SLC25A40: variants seen among roughly 807,000 people sequenced by gnomAD.
SLC25A40 encodes the protein mitochondrial glutathione transporter SLC25A40.
In SLC25A40, 41 loss-of-function variants were observed where a neutral mutation model predicts 46.5. The observed-to-expected ratio is 0.88, with a 90% CI of 0.69 to 1.14. The LOEUF is 1.14. Among genes scored for constraint, SLC25A40 ranks in the 50% most tolerant of loss-of-function variants. The pLI, the probability that SLC25A40 is intolerant of heterozygous loss-of-function variation, is 0.00. For missense variants in SLC25A40, 386 were observed against 393.6 expected, an observed-to-expected ratio of 0.98 and a Z score of 0.16; for synonymous variants, 126 against 127.5, an observed-to-expected ratio of 0.99 and a Z score of 0.08.
rs933081946 is a variant in SLC25A40, at chr7:87,872,069, T to C, written c.-94+4027A>G. 6.2e-4 allele frequency among the ~76,000 whole-genome samples: 95 copies of C among 152,226 alleles called. 1 individual carries two copies. The highest frequency in any genetic ancestry group is 2.1e-4 in the Non-Finnish European group (14 of 68,038). On this transcript the variant is annotated intron_variant, in intron 1 of 11. Transcript: ENST00000341119. ...TAAATGAAGAAATATTACCATTTCA[T>C]AGACTGGAAGAATAAATGCTATAAA...
chr7:87,875,716 C>T (rs894544918), intron 1 of SLC25A40, among the ~76,000 whole-genome samples: 2 of 152,190 alleles, frequency 1.3e-5, no homozygotes, highest in African/African-American at 4.8e-5. Flanking sequence ...GAAAACAGGT[C>T]TGAATACAAT....
At chr7:87,842,537 G>A (rs1015999192) in intron 9 of SLC25A40, among the ~76,000 whole-genome samples, 2 of 151,906 alleles carry the variant, frequency 1.3e-5, no homozygotes, top group African/African-American at 2.4e-5. Flanking sequence ...GTTGATGTAC[G>A]TTCTTGAAAT....
chr7:87,843,841 T>A lies in SLC25A40; in HGVS notation c.654A>T (p.Glu218Asp). The change falls in exon 9 of 12, where the codon GAA (glutamate) becomes GAT (aspartate). Residue 218 changes from glutamate (E) to aspartate (D), a missense_variant. Coordinates refer to ENST00000341119, the MANE Select transcript of SLC25A40 (RefSeq NM_018843.4). ...PFSAMYWYNY[E>D]ILKKWLCEKS... The stretch of plus-strand genomic sequence containing the variant: ...TCTCACATAACCACTTCTTTAAAAT[T>A]TCATAGTTATACCAGTACATTGCTA... 6.2e-7 allele frequency: 1 copy of A among 1,605,160 alleles called. No homozygotes were observed. The highest frequency in any genetic ancestry group is 8.5e-7 in the Non-Finnish European group (1 of 1,172,978).
intron 1 of SLC25A40, among the ~76,000 whole-genome samples, chr7:87,867,214 C>T (rs1187436751): frequency 6.6e-6 from 1 of 152,148 alleles, no homozygotes; most frequent in Non-Finnish European, 1.5e-5. Context: ...ACCTCAACTC[C>T]CTCTTGAACA....
chr7:87,858,467 G>A (rs1255511890), intron 3 of SLC25A40, among the ~76,000 whole-genome samples, 164 bp downstream of exon 3: 2 of 152,104 alleles, frequency 1.3e-5, no homozygotes, highest in Non-Finnish European at 2.9e-5. Context: ...TGTCACCCCC[G>A]GAGGCCCAGC....
chr7:87,850,603 A>G (rs1838492608), intron 5 of SLC25A40, among the ~76,000 whole-genome samples: 1 of 152,030 alleles, frequency 6.6e-6, no homozygotes, highest in African/African-American at 2.4e-5. Context: ...ACTTATCTCT[A>G]CAAAAAGCTA....
At chr7:87,875,960 A>C in intron 1 of SLC25A40, 136 bp downstream of exon 1, 1 of 152,318 alleles carries the variant, frequency 6.6e-6, no homozygotes, top group East Asian at 1.9e-4. Context: ...CGCGCTGAGC[A>C]GGGGCTGCGG....
intron 10 of SLC25A40, among the ~76,000 whole-genome samples, chr7:87,837,503 T>C (rs966426647): frequency 6.6e-6 from 1 of 151,150 alleles, no homozygotes; most frequent in Non-Finnish European, 1.5e-5. Context: ...TTTTAGCTAA[T>C]AATAACATCT....
intron 6 of SLC25A40, among the ~76,000 whole-genome samples, chr7:87,848,901 A>G (rs1838463140): frequency 1.3e-5 from 2 of 152,178 alleles, no homozygotes; most frequent in Non-Finnish European, 2.9e-5. Flanking sequence ...TCTGCCACTA[A>G]CTTTAAACCT....
At chr7:87,864,822 A>C (rs1838763073) in intron 1 of SLC25A40, among the ~76,000 whole-genome samples, 1 of 152,164 alleles carries the variant, frequency 6.6e-6, no homozygotes, top group Admixed American at 6.5e-5. Flanking sequence ...GTTAGTACTA[A>C]TAATAACTTA....
chr7:87,847,065 T>C lies in SLC25A40; in HGVS notation c.515A>G (p.Lys172Arg), dbSNP rs932359006. ...LELIRTKMQS[K>R]KFSYVELHRF... The stretch of plus-strand genomic sequence containing the variant: ...ATGCAGTTCCACGTAAGAAAACTTC[T>C]TGGACTGCATCTTGGTTCTAATCAA... The change falls in exon 8 of 12, where the codon AAG (lysine) becomes AGG (arginine). Residue 172 changes from lysine to arginine, a missense_variant. Lys to Arg is a conservative substitution (Grantham distance 26, BLOSUM62 2). Coordinates refer to ENST00000341119, the MANE Select transcript of SLC25A40 (RefSeq NM_018843.4). 2.5e-6 allele frequency: 4 copies of C among 1,613,762 alleles called. No homozygotes were observed. The Admixed American group carries it at 5.0e-5, about 20-fold the overall frequency.
rs1040838147 is a variant in SLC25A40 at position 87,876,161 on chromosome 7, T to A, written c.-159A>T. 2.0e-5 allele frequency: 3 copies of A among 152,978 alleles called. No individual in the cohort carries two copies. The highest frequency in any genetic ancestry group is 7.2e-5 in the African/African-American group (3 of 41,464). The allele number at this position is 152,978 out of a possible 1,614,324, so 9.5% of individuals were successfully genotyped here. The stretch of plus-strand genomic sequence containing the variant: ...ACCTAGAAGGCGGGAATAACCCTGG[T>A]GACGGGCGGGGCCGGGCTCCGGCGC... On this transcript the variant is annotated 5_prime_UTR_variant, in exon 1 of 12. Coordinates refer to ENST00000341119, the MANE Select transcript of SLC25A40 (RefSeq NM_018843.4).
chr7:87,873,330 G>A (rs935369227), intron 1 of SLC25A40, among the ~76,000 whole-genome samples: 2 of 151,926 alleles, frequency 1.3e-5, no homozygotes, highest in Non-Finnish European at 2.9e-5. Flanking sequence ...TAATCTGAAA[G>A]ATCAGATTAG....
intron 6 of SLC25A40, 74 bp from the exon 7 acceptor site, chr7:87,848,051 TTATTA>T: frequency 6.8e-7 from 1 of 1,480,078 alleles, no homozygotes; most frequent in Non-Finnish European, 9.0e-7. Context: ...AATTCAAATA[TTATTA>T]TATAAGCTAA....
intron 9 of SLC25A40, among the ~76,000 whole-genome samples, chr7:87,842,798 TA>T (rs1448834514): frequency 3.3e-5 from 5 of 152,022 alleles, no homozygotes; most frequent in African/African-American, 9.7e-5. Context: ...AAAAATCATT[TA>T]AAAAAATAAA....
chr7:87,860,466 C>T (rs1838679893), intron 2 of SLC25A40, 106 bp downstream of exon 2: 1 of 152,024 alleles, frequency 6.6e-6, no homozygotes, highest in Non-Finnish European at 1.5e-5. Context: ...AATTTTGAAC[C>T]GTACTCTACA....
intron 5 of SLC25A40, 118 bp downstream of exon 5, chr7:87,854,086 A>C: frequency 1.4e-6 from 1 of 696,208 alleles, no homozygotes; most frequent in Non-Finnish European, 2.4e-6. Flanking sequence ...AAAAGCAAAG[A>C]AGTAGTTCCC....
chr7:87,847,526 G>GA (rs1405135852), intron 7 of SLC25A40, among the ~76,000 whole-genome samples: 1 of 151,954 alleles, frequency 6.6e-6, no homozygotes, highest in African/African-American at 2.4e-5. Flanking sequence ...AGTTTATAAG[G>GA]AAAGTGATTC....
intron 10 of SLC25A40, among the ~76,000 whole-genome samples, chr7:87,839,383 T>C (rs1838299264): frequency 6.6e-6 from 1 of 150,988 alleles, no homozygotes; most frequent in Non-Finnish European, 1.5e-5. Context: ...TATTAAATAC[T>C]TAAATTTTAA....
Sources: gnomAD v4.1 joint callset for allele counts (sites outside exome capture counted in the v4.1 genomes callset) on GRCh38, gnomAD v4.1.1 for gene constraint, MANE v1.5 for transcripts, NCBI Gene and HGNC (gene_info 2026-07-23, HGNC 2026-07-21) for gene names.